Variants in ADGRB3 observed in about 807,000 individuals in gnomAD.
ADGRB3 encodes brain-specific angiogenesis inhibitor 3.
Under a neutral mutation model 193.4 loss-of-function variants are expected in ADGRB3, and 37 were observed. The ratio of observed to expected loss-of-function variants is 0.19; its 90% CI spans 0.15 to 0.25. The LOEUF (loss-of-function observed/expected upper bound fraction) is 0.25, where lower values mean the gene tolerates loss of function less well. Ranked by LOEUF, ADGRB3 falls within the 10% of genes least tolerant of loss-of-function variation. ADGRB3 has a pLI of 1.00. For missense variants in ADGRB3, 1,637 were observed against 1,852.9 expected (o/e 0.88, Z 2.14); for synonymous variants, 690 against 644.2 (o/e 1.07, Z -1.08).
chr6:69,009,382 G>A (rs928468119), intron 11 of ADGRB3, among the ~76,000 whole-genome samples: 2 of 152,086 alleles, frequency 1.3e-5, no homozygotes, highest in East Asian at 3.9e-4. Flanking sequence ...ATAATAAAAG[G>A]TTGTCTGAGT....
intron 3 of ADGRB3, among the ~76,000 whole-genome samples, chr6:68,659,273 G>A (rs1014504914): frequency 1.3e-5 from 2 of 149,236 alleles, no homozygotes; most frequent in African/African-American, 4.9e-5. Flanking sequence ...TTCCTCAGAG[G>A]AACTAATCAA....
intron 17 of ADGRB3, among the ~76,000 whole-genome samples, chr6:69,199,433 A>T (rs1294157755): frequency 6.6e-6 from 1 of 152,122 alleles, no homozygotes; most frequent in Non-Finnish European, 1.5e-5. Context: ...TATGAAAATT[A>T]AATGAGATAA....
At chr6:69,145,837 G>T (rs958928710) in intron 17 of ADGRB3, among the ~76,000 whole-genome samples, 1 of 151,934 alleles carries the variant, frequency 6.6e-6, no homozygotes, top group East Asian at 1.9e-4. Flanking sequence ...ACCCTGGAGT[G>T]GTTAGCTCCT....
At chr6:68,649,982 T>G (rs1768311461) in intron 3 of ADGRB3, among the ~76,000 whole-genome samples, 1 of 152,196 alleles carries the variant, frequency 6.6e-6, no homozygotes, top group Admixed American at 6.5e-5. Flanking sequence ...TTTCCTTGCT[T>G]ACTCAAAGCA....
At chr6:69,054,112 T>C (rs965848714) in intron 15 of ADGRB3, among the ~76,000 whole-genome samples, 5 of 152,174 alleles carry the variant, frequency 3.3e-5, no homozygotes, top group African/African-American at 1.2e-4. Context: ...AAATTATATG[T>C]AAATTCCACT....
At chr6:68,874,212 T>C (rs1765530157) in intron 3 of ADGRB3, among the ~76,000 whole-genome samples, 1 of 152,152 alleles carries the variant, frequency 6.6e-6, no homozygotes, top group Non-Finnish European at 1.5e-5. Flanking sequence ...GTGATTTCGG[T>C]ATGCATGAAA....
chr6:69,021,252 T>C (rs375727607), intron 13 of ADGRB3, among the ~76,000 whole-genome samples: 1 of 151,926 alleles, frequency 6.6e-6, no homozygotes, highest in Admixed American at 6.6e-5. Flanking sequence ...AATCATAATG[T>C]ATTTTAGAGA....
At chr6:68,795,933 A>G (rs1365196644) in intron 3 of ADGRB3, among the ~76,000 whole-genome samples, 2 of 152,122 alleles carry the variant, frequency 1.3e-5, no homozygotes, top group African/African-American at 4.8e-5. Flanking sequence ...ATGATTTTAT[A>G]TATAAATTCA....
At chr6:69,008,028 G>A (rs949523803) in intron 11 of ADGRB3, among the ~76,000 whole-genome samples, 1 of 151,998 alleles carries the variant, frequency 6.6e-6, no homozygotes, top group South Asian at 2.1e-4. Context: ...GCCAAACACC[G>A]CAGGAAGCTT....
chr6:68,836,805 C>T (rs1017496975), intron 3 of ADGRB3, among the ~76,000 whole-genome samples: 1 of 152,046 alleles, frequency 6.6e-6, no homozygotes, highest in Non-Finnish European at 1.5e-5. Context: ...GCGTGAGCAA[C>T]ATAGTGAGAC....
At chr6:69,059,615 G>A (rs981421751) in intron 15 of ADGRB3, among the ~76,000 whole-genome samples, 11 of 152,126 alleles carry the variant, frequency 7.2e-5, no homozygotes, top group African/African-American at 9.7e-5. Flanking sequence ...TTCTAGCAGT[G>A]AATGCAAATG....
chr6:69,208,759 C>T (rs1456982570), intron 17 of ADGRB3, among the ~76,000 whole-genome samples: 13 of 152,186 alleles, frequency 8.5e-5, no homozygotes, highest in Non-Finnish European at 1.2e-4. Flanking sequence ...CTTCATGTAA[C>T]TTACTTGTGC....
At chr6:68,746,148 G>C (rs1017956195) in intron 3 of ADGRB3, among the ~76,000 whole-genome samples, 1 of 151,552 alleles carries the variant, frequency 6.6e-6, no homozygotes, top group African/African-American at 2.4e-5. Flanking sequence ...ATCCTTTCTG[G>C]TATACTCTTG....
intron 26 of ADGRB3, among the ~76,000 whole-genome samples, chr6:69,347,772 G>A (rs1769133205): frequency 6.6e-6 from 1 of 151,826 alleles, no homozygotes; most frequent in Admixed American, 6.6e-5. Flanking sequence ...GTGACAGAGT[G>A]AGGCCTCATC....
At chr6:69,031,563 C>CTTTCTTTCTTTCTTTTCTTTCT (rs1770705019) in intron 13 of ADGRB3, among the ~76,000 whole-genome samples, 3 of 109,826 alleles carry the variant, frequency 2.7e-5, no homozygotes, top group African/African-American at 9.7e-5. Flanking sequence ...TTCTTTCTTT[C>CTTTCTTTCTTTCTTTTCTTTCT]TTTTCTTCCT....
chr6:69,247,854 T>G (rs150914752), intron 20 of ADGRB3, among the ~76,000 whole-genome samples: 2 of 152,160 alleles, frequency 1.3e-5, no homozygotes, highest in African/African-American at 4.8e-5. Context: ...ACTTCATTTT[T>G]GGGGGCCCCA....
chr6:68,642,792 T>C (rs1415065444), intron 3 of ADGRB3, among the ~76,000 whole-genome samples: 2 of 150,784 alleles, frequency 1.3e-5, no homozygotes, highest in East Asian at 1.9e-4. Flanking sequence ...TCTTAACATA[T>C]AATGGCTATA....
At chr6:69,083,992 C>T (rs1208855768) in intron 17 of ADGRB3, among the ~76,000 whole-genome samples, 1 of 152,008 alleles carries the variant, frequency 6.6e-6, no homozygotes, top group African/African-American at 2.4e-5. Flanking sequence ...CCAGTCTGGT[C>T]TCAAAGACCT....
At position 68,723,151 on chromosome 6, in the gene ADGRB3, AATTT is replaced by A. The variant is rs1483280285; in HGVS notation, c.757+83726_757+83729del. Among the ~76,000 whole-genome samples the A allele has an allele frequency of 2.6e-5, 4 of 151,932 alleles. No homozygotes were observed. In the East Asian group the frequency reaches 5.8e-4, roughly 22 times the overall value. ...CCTCTGATAATTTAGCTTTTCATGTAATTTATTTATGAAAACATAATATGAAGAT... is the reference window on the plus strand; with the variant it reads ...CCTCTGATAATTTAGCTTTTCATGTAATTTATGAAAACATAATATGAAGAT... On this transcript the variant is annotated intron_variant, in intron 3 of 31. Transcript: ENST00000370598.
Sources: allele counts gnomAD v4.1 joint callset (sites outside exome capture counted in the v4.1 genomes callset), GRCh38; gene constraint gnomAD v4.1.1; transcripts MANE v1.5; gene names NCBI Gene and HGNC (gene_info 2026-07-23, HGNC 2026-07-21).